UBXN4: variants seen among roughly 807,000 people sequenced by gnomAD.
UBXN4 encodes UBX domain-containing protein 4.
A neutral mutation model predicts 66.2 loss-of-function variants in UBXN4; 35 were observed. That is an observed-to-expected ratio of 0.53 (90% CI 0.40 to 0.70). The LOEUF is 0.70. Among genes scored for constraint, UBXN4 ranks in the 30% least tolerant of loss-of-function variants. The pLI is 0.00. For missense variants in UBXN4, 533 were observed against 599.8 expected (o/e 0.89, Z 1.16); for synonymous variants, 203 against 204.5 (o/e 0.99, Z 0.06).
chr2:135,746,078 G>C (rs1240984681), intron 1 of UBXN4, among the ~76,000 whole-genome samples: 1 of 151,722 alleles, frequency 6.6e-6, no homozygotes, highest in Non-Finnish European at 1.5e-5. Flanking sequence ...GGGTTTCACC[G>C]TGTTGGCCGG....
At position 135,748,358 on chromosome 2, in the gene UBXN4, C is replaced by T. The variant is rs563194693; in HGVS notation, c.174C>T (p.Ile58=). 3.7e-5 allele frequency: 59 copies of T among 1,590,314 alleles called. No homozygotes were observed. Among genetic ancestry groups the T allele is most frequent in the South Asian group, 3.7e-4 (31 of 84,656 alleles). Residue 58 remains isoleucine (I), a synonymous_variant, in exon 2 of 13, where the codon ATC becomes ATT. Transcript: ENST00000272638. ...CAAACAGTTTTGTTGCTATTAAAATCGATACCAAAAGGTTTGTTTATGTTT... is the reference window on the plus strand; with the variant it reads ...CAAACAGTTTTGTTGCTATTAAAATTGATACCAAAAGGTTTGTTTATGTTT... ...ASSNSFVAIK[I]DTKSEACLQF... is the part of the protein sequence containing the mutation.
intron 9 of UBXN4, among the ~76,000 whole-genome samples, chr2:135,775,317 C>G (rs973138271): frequency 2.0e-5 from 3 of 152,118 alleles, no homozygotes; most frequent in Non-Finnish European, 2.9e-5. Flanking sequence ...AGTTTATATC[C>G]AAGAGAATTG....
Position 135,782,996 on chromosome 2 carries a change from A to G in UBXN4, c.*109A>G. On this transcript the variant is annotated 3_prime_UTR_variant, in exon 13 of 13. Transcript: ENST00000272638. Reference sequence around the variant, plus strand: ...TTTATATTTTCCAACTGGTCTATAAAATGTCTCTTTATTCCTGCTTAGTGG... The same window carrying G: ...TTTATATTTTCCAACTGGTCTATAAGATGTCTCTTTATTCCTGCTTAGTGG... The G allele has an allele frequency of 8.1e-7, 1 of 1,236,936 alleles. No individual in the cohort carries two copies. The highest frequency in any genetic ancestry group is 2.3e-5 in the Admixed American group (1 of 42,918). The allele number at this position is 1,236,936 out of a possible 1,614,324, so 76.6% of individuals were successfully genotyped here.
At chr2:135,758,049 C>T (rs2077289375) in intron 5 of UBXN4, among the ~76,000 whole-genome samples, 1 of 150,786 alleles carries the variant, frequency 6.6e-6, no homozygotes, top group African/African-American at 2.4e-5. Context: ...GCTAGGACTA[C>T]AGGTGTGCAC....
chr2:135,774,433 C>T (rs2105507192), intron 9 of UBXN4, among the ~76,000 whole-genome samples: 1 of 152,128 alleles, frequency 6.6e-6, no homozygotes, highest in Middle Eastern at 3.4e-3. Flanking sequence ...TTTTTGTGAT[C>T]TAGGAGTAGC....
At position 135,754,271 on chromosome 2, in the gene UBXN4, C is replaced by T. The variant is rs1463569367; in HGVS notation, c.327C>T (p.Val109=). ...ADELVTRIHK[V]RQMHLLKSET... The stretch of plus-strand genomic sequence containing the variant: ...AACTTGTTACAAGAATTCACAAGGT[C>T]CGACAGGTAAGAAGGAACAGAACTG... The change falls in exon 4 of 13, where the codon GTC becomes GTT. Residue 109 remains valine, a synonymous_variant. Coordinates refer to ENST00000272638, the MANE Select transcript of UBXN4 (RefSeq NM_014607.4). 6.2e-7 allele frequency: 1 copy of T among 1,611,538 alleles called. No homozygotes were observed. The highest frequency in any genetic ancestry group is 8.5e-7 in the Non-Finnish European group (1 of 1,177,928).
intron 12 of UBXN4, among the ~76,000 whole-genome samples, chr2:135,781,613 C>G (rs2077449299): frequency 6.6e-6 from 1 of 152,102 alleles, no homozygotes; most frequent in Non-Finnish European, 1.5e-5. Context: ...TATCTTATTT[C>G]ATAACTGTTA....
chr2:135,782,662 C>A, intron 12 of UBXN4, 87 bp from the exon 13 acceptor site: 1 of 1,512,940 alleles, frequency 6.6e-7, no homozygotes. Flanking sequence ...ACTTAGTTGC[C>A]TGTACTGATG....
intron 2 of UBXN4, among the ~76,000 whole-genome samples, chr2:135,751,866 T>C (rs1030835151): frequency 6.6e-6 from 1 of 152,114 alleles, no homozygotes; most frequent in African/African-American, 2.4e-5. Flanking sequence ...TTTGTTTGAT[T>C]ATTGGAAGCA....
intron 1 of UBXN4, among the ~76,000 whole-genome samples, chr2:135,746,797 C>A (rs1559536877): frequency 6.6e-6 from 1 of 152,098 alleles, no homozygotes; most frequent in African/African-American, 2.4e-5. Context: ...TGTATGGGGC[C>A]TTCAAGCGCC....
At chr2:135,752,969 T>C (rs571567499) in intron 2 of UBXN4, among the ~76,000 whole-genome samples, 1 of 149,392 alleles carries the variant, frequency 6.7e-6, no homozygotes, top group African/African-American at 2.5e-5. Context: ...TCACCCGCCT[T>C]GGCCTCCCAA....
rs766146901 is a variant in UBXN4 at position 135,769,743 on chromosome 2, T to C, written c.603-26T>C. 3.4e-6 allele frequency: 5 copies of C among 1,490,516 alleles called. No individual in the cohort carries two copies. The East Asian group carries it at 1.2e-4, about 35-fold the overall frequency. 92.3% of individuals were successfully genotyped at this position (1,490,516 alleles called of 1,614,324 possible). Reference sequence around the variant, plus strand: ...TATTAATATGATGTGTCTCAATTAGTGGTGGTTTTTTTTTTTTTAATACAG... The same window carrying C: ...TATTAATATGATGTGTCTCAATTAGCGGTGGTTTTTTTTTTTTTAATACAG... On this transcript the variant is annotated intron_variant, in intron 6 of 12. Transcript: ENST00000272638.
intron 6 of UBXN4, among the ~76,000 whole-genome samples, chr2:135,762,257 T>C (rs2077320051): frequency 1.3e-5 from 2 of 152,258 alleles, no homozygotes; most frequent in Admixed American, 1.3e-4. Flanking sequence ...ATTTCATGAC[T>C]ATGTACTGAG....
intron 1 of UBXN4, among the ~76,000 whole-genome samples, chr2:135,745,651 T>G (rs934912852): frequency 6.6e-6 from 1 of 151,980 alleles, no homozygotes; most frequent in Non-Finnish European, 1.5e-5. Context: ...CTGAGAAGGG[T>G]TCGTAGTAAG....
chr2:135,779,147 A>G, intron 11 of UBXN4, 68 bp downstream of exon 11: 2 of 1,458,812 alleles, frequency 1.4e-6, no homozygotes, highest in Non-Finnish European at 1.8e-6. Flanking sequence ...TTCATTTCTT[A>G]TAATTAGGGG....
rs1376869583 is a variant in UBXN4 at position 135,780,331 on chromosome 2, G to C, written c.1334G>C (p.Arg445Thr). 3 of 1,614,024 alleles carry C rather than the reference G, an allele frequency of 1.9e-6. No individual in the cohort carries two copies. The highest frequency in any genetic ancestry group is 2.7e-5 in the African/African-American group (2 of 74,920). ...CCGCCTCCCACACAGACTTCAGTGA[G>C]AGTAACATCGTCAGAACCCCCAAAC... Reference protein sequence around the residue: ...SNPPPTQTSVRVTSSEPPNPA... With the variant: ...SNPPPTQTSVTVTSSEPPNPA... The change falls in exon 12 of 13, where the codon AGA (arginine) becomes ACA (threonine). Residue 445 changes from arginine (R) to threonine (T), a missense_variant. Arg to Thr is a moderately conservative substitution (Grantham distance 71). Around this residue, in one of 2 missense-constraint regions of UBXN4, gnomAD observed 529 missense variants for 580.1 expected, o/e 0.91. Transcript: ENST00000272638.
At chr2:135,765,208 GTT>G (rs1203962581) in intron 6 of UBXN4, among the ~76,000 whole-genome samples, 2 of 144,708 alleles carry the variant, frequency 1.4e-5, no homozygotes, top group Non-Finnish European at 1.5e-5. Flanking sequence ...ATTTCATTAT[GTT>G]TTTTTTTTTT....
chr2:135,760,468 A>C (rs1401160329), intron 5 of UBXN4, among the ~76,000 whole-genome samples: 2 of 152,144 alleles, frequency 1.3e-5, no homozygotes, highest in Admixed American at 1.3e-4. Flanking sequence ...TTACATCTTC[A>C]AGTCATTTAT....
intron 5 of UBXN4, among the ~76,000 whole-genome samples, chr2:135,760,043 C>T (rs1437142323): frequency 1.3e-5 from 2 of 152,114 alleles, no homozygotes; most frequent in Non-Finnish European, 2.9e-5. Flanking sequence ...GCTGGGACTA[C>T]AGGTGTGAGC....
Sources: gnomAD v4.1 joint callset for allele counts (sites outside exome capture counted in the v4.1 genomes callset) on GRCh38, gnomAD v4.1.1 for gene constraint, gnomAD v4.1.1 regional missense constraint, MANE v1.5 for transcripts, NCBI Gene and HGNC (gene_info 2026-07-23, HGNC 2026-07-21) for gene names.